Variants in TAF4B observed in about 807,000 individuals in gnomAD.
The protein encoded by TAF4B is transcription initiation factor TFIID subunit 4B.
In TAF4B, 38 loss-of-function variants were observed where a neutral mutation model predicts 86.4. That is an observed-to-expected ratio of 0.44 (90% CI 0.34 to 0.58). TAF4B has a LOEUF of 0.58. Ranked by LOEUF, TAF4B falls within the 20% of genes least tolerant of loss-of-function variation. The pLI is 0.02. For missense variants in TAF4B, 988 were observed against 1,027.6 expected (o/e 0.96, Z 0.53); for synonymous variants, 388 against 391.2 (o/e 0.99, Z 0.10).
rs937935718 is a variant in TAF4B, at chr18:26,293,478, A to G, written c.1779A>G (p.Gln593=). The G allele has an allele frequency of 1.3e-6, 2 of 1,597,250 alleles. No homozygotes were observed. The highest frequency in any genetic ancestry group is 1.7e-6 in the Non-Finnish European group (2 of 1,175,514). Residue 593 remains glutamine, a synonymous_variant, in exon 9 of 15, where the codon CAA becomes CAG. Transcript: ENST00000269142. ...TLPGNKILSL[Q]ASPTQKNRIK... ...CTGGAAATAAAATTCTGTCACTTCAAGCATCTCCTACTCAGAAAAATAGAA... is the reference window on the plus strand; with the variant it reads ...CTGGAAATAAAATTCTGTCACTTCAGGCATCTCCTACTCAGAAAAATAGAA...
chr18:26,293,332 T>TTC, intron 8 of TAF4B, 94 bp from the exon 9 acceptor site: 2 of 784,306 alleles, frequency 2.6e-6, no homozygotes, highest in South Asian at 1.7e-5. Context: ...TCTTTGATTA[T>TTC]TCTATATATA....
At chr18:26,261,172 A>ATT (rs71169839) in intron 1 of TAF4B, among the ~76,000 whole-genome samples, 1,613 of 77,118 alleles carry the variant, frequency 0.021, 304 homozygotes, top group African/African-American at 0.026. Context: ...GAGCACTGTC[A>ATT]TTTTTTTTTT....
intron 9 of TAF4B, among the ~76,000 whole-genome samples, chr18:26,313,090 G>A (rs1378497338): frequency 6.6e-6 from 1 of 152,094 alleles, no homozygotes; most frequent in Non-Finnish European, 1.5e-5. Flanking sequence ...TTTTCAAGGT[G>A]CAGTCTCTTT....
chr18:26,274,706 A>G lies in TAF4B; in HGVS notation c.641A>G (p.Lys214Arg), dbSNP rs1230314525. 1.2e-6 allele frequency: 2 copies of G among 1,614,084 alleles called. No homozygotes were observed. Among genetic ancestry groups the G allele is most frequent in the East Asian group, 2.2e-5 (1 of 44,890 alleles). ...AGTGTCGTCACAGTTACTCCTGGAA[A>G]GCCATTGAATACTGTAACTACCCTG... Reference protein sequence around the residue: ...PTSVVTVTPGKPLNTVTTLKP... With the variant: ...PTSVVTVTPGRPLNTVTTLKP... The change falls in exon 4 of 15, where the codon AAG (lysine) becomes AGG (arginine). Residue 214 changes from lysine to arginine, a missense_variant. Transcript: ENST00000269142.
intron 1 of TAF4B, among the ~76,000 whole-genome samples, chr18:26,229,125 A>G (rs1436946771): frequency 2.0e-5 from 3 of 152,162 alleles, no homozygotes; most frequent in Non-Finnish European, 4.4e-5. Flanking sequence ...CCAGTCTTTT[A>G]TTTTATATAC....
chr18:26,309,245 A>ATTTTTTTTTTTTTTTTTTTTTTTTTTTT, intron 9 of TAF4B, among the ~76,000 whole-genome samples: 1 of 84,552 alleles, frequency 1.2e-5, no homozygotes. Context: ...ACCTGACAGT[A>ATTTTTTTTTTTTTTTTTTTTTTTTTTTT]TTTTTTTTTT....
chr18:26,255,425 G>A (rs2056067225), intron 1 of TAF4B, among the ~76,000 whole-genome samples: 1 of 151,888 alleles, frequency 6.6e-6, no homozygotes, highest in Admixed American at 6.6e-5. Flanking sequence ...CCAACGTGGT[G>A]AAACCCTGTC....
intron 1 of TAF4B, among the ~76,000 whole-genome samples, chr18:26,259,421 C>CT (rs2056132455): frequency 2.0e-5 from 3 of 151,972 alleles, no homozygotes; most frequent in Non-Finnish European, 4.4e-5. Context: ...TCTCCTAATG[C>CT]ATCCCTCCCC....
chr18:26,268,519 G>T (rs1194628708), intron 3 of TAF4B, among the ~76,000 whole-genome samples: 1 of 152,168 alleles, frequency 6.6e-6, no homozygotes, highest in Non-Finnish European at 1.5e-5. Flanking sequence ...ATCCCTGAGG[G>T]ATCTGTGGTC....
At chr18:26,367,267 A>C (rs2057378284) in intron 14 of TAF4B, among the ~76,000 whole-genome samples, 1 of 152,222 alleles carries the variant, frequency 6.6e-6, no homozygotes, top group South Asian at 2.1e-4. Context: ...GACCCAGGTA[A>C]GTTGGTGGTA....
chr18:26,355,149 T>C (rs942942804), intron 13 of TAF4B, among the ~76,000 whole-genome samples: 29 of 152,258 alleles, frequency 1.9e-4, no homozygotes, highest in African/African-American at 7.0e-4. Flanking sequence ...AGAGCAATTA[T>C]AAATGACATT....
At chr18:26,344,380 G>A in intron 13 of TAF4B, among the ~76,000 whole-genome samples, 1 of 149,304 alleles carries the variant, frequency 6.7e-6, no homozygotes, top group Non-Finnish European at 1.5e-5. Flanking sequence ...AAAAAAAAAG[G>A]GAAAAAAACC....
At chr18:26,246,792 C>G (rs1231946607) in intron 1 of TAF4B, among the ~76,000 whole-genome samples, 3 of 152,148 alleles carry the variant, frequency 2.0e-5, no homozygotes, top group African/African-American at 4.8e-5. Context: ...CTTGGCCTCC[C>G]AAAGTGTTGG....
chr18:26,369,427 G>T (rs1196938715), intron 14 of TAF4B, among the ~76,000 whole-genome samples: 1 of 152,198 alleles, frequency 6.6e-6, no homozygotes, highest in African/African-American at 2.4e-5. Flanking sequence ...GACAAAGATG[G>T]TGTGCTGGAC....
At chr18:26,291,987 C>A (rs1029494851) in intron 7 of TAF4B, among the ~76,000 whole-genome samples, 1 of 151,998 alleles carries the variant, frequency 6.6e-6, no homozygotes, top group Non-Finnish European at 1.5e-5. Context: ...AATTGGAAAT[C>A]GGATTTATAG....
intron 9 of TAF4B, among the ~76,000 whole-genome samples, chr18:26,300,140 C>A (rs1178583621): frequency 2.0e-5 from 3 of 151,850 alleles, no homozygotes; most frequent in African/African-American, 7.3e-5. Flanking sequence ...CATCACCATG[C>A]CCGGCTAATT....
chr18:26,329,328 A>G (rs1052626564), intron 12 of TAF4B, among the ~76,000 whole-genome samples: 1 of 152,188 alleles, frequency 6.6e-6, no homozygotes, highest in Non-Finnish European at 1.5e-5. Context: ...AAGTGCTGGG[A>G]TTACAGGCAT....
At chr18:26,307,896 G>T (rs2056812096) in intron 9 of TAF4B, among the ~76,000 whole-genome samples, 1 of 152,068 alleles carries the variant, frequency 6.6e-6, no homozygotes, top group South Asian at 2.1e-4. Flanking sequence ...GATCACCTGA[G>T]GTCAGGAGTT....
chr18:26,268,980 GC>G (rs2056278124), intron 3 of TAF4B, among the ~76,000 whole-genome samples: 1 of 151,900 alleles, frequency 6.6e-6, no homozygotes, highest in Non-Finnish European at 1.5e-5. Flanking sequence ...GTGCCACCAT[GC>G]CCAGCTGATT....
Sources: gnomAD v4.1 joint callset for allele counts (sites outside exome capture counted in the v4.1 genomes callset) on GRCh38, gnomAD v4.1.1 for gene constraint, MANE v1.5 for transcripts, NCBI Gene and HGNC (gene_info 2026-07-23, HGNC 2026-07-21) for gene names.